The following IL5RA variants were observed in gnomAD, a reference collection of about 807,000 sequenced individuals.
IL5RA encodes interleukin 5 receptor subunit alpha.
A neutral mutation model predicts 50.0 loss-of-function variants in IL5RA; 49 were observed. That is an observed-to-expected ratio of 0.98 (90% CI 0.78 to 1.24). IL5RA has a LOEUF of 1.24. IL5RA is among the 50% of genes most tolerant of loss of function. IL5RA has a pLI of 0.00. For missense variants in IL5RA, 600 were observed against 500.4 expected (o/e 1.20, Z -1.90); for synonymous variants, 202 against 174.0 (o/e 1.16, Z -1.26).
chr3:3,083,219 G>A (rs542792168), intron 9 of IL5RA, among the ~76,000 whole-genome samples: 1 of 152,292 alleles, frequency 6.6e-6, no homozygotes, highest in East Asian at 1.9e-4. Flanking sequence ...TTGGGTGAGT[G>A]AGCTTTCAAG....
intron 9 of IL5RA, among the ~76,000 whole-genome samples, chr3:3,088,198 G>A (rs551656653): frequency 2.0e-5 from 3 of 152,292 alleles, no homozygotes; most frequent in South Asian, 2.1e-4. Flanking sequence ...CTTAAAATAA[G>A]CGCTCGTTAT....
chr3:3,098,216 A>T lies in IL5RA; in HGVS notation c.442T>A (p.Ser148Thr). The T allele has an allele frequency of 1.2e-6, 2 of 1,614,068 alleles. No individual in the cohort carries two copies. Among genetic ancestry groups the T allele is most frequent in the Admixed American group, 1.7e-5 (1 of 60,026 alleles). Residue 148 changes from serine (S) to threonine (T), a missense_variant, in exon 6 of 12, where the codon TCA (serine) becomes ACA (threonine). Coordinates refer to ENST00000446632, the MANE Select transcript of IL5RA (RefSeq NM_175726.4). The stretch of plus-strand genomic sequence containing the variant: ...GTGCAGTGAAGGGAAACTTGGTATG[A>T]CCTTAAACGTGAATAATTGTCTTCT... ...TTEDNYSRLR[S>T]YQVSLHCTWL...
rs1033337780 is a variant in IL5RA at position 3,092,325 on chromosome 3, A to G, written c.893T>C (p.Ile298Thr). The change falls in exon 9 of 12, where the codon ATT (isoleucine) becomes ACT (threonine). Residue 298 changes from isoleucine (I) to threonine (T), a missense_variant. Coordinates refer to ENST00000446632, the MANE Select transcript of IL5RA (RefSeq NM_175726.4). The surrounding 1 kb of genome is among the most constrained non-coding windows in gnomAD (Gnocchi z 4.2). ...KLMTNAFISIIDDLSKYDVQV... is the reference protein window; with the variant it reads ...KLMTNAFISITDDLSKYDVQV... The stretch of plus-strand genomic sequence containing the variant: ...AACATCGTACTTAGAAAGATCATCA[A>G]TTATTGAGATGAATGCATTGGTCAT... The G allele has an allele frequency of 5.6e-6, 9 of 1,613,876 alleles. No individual in the cohort carries two copies. Among genetic ancestry groups the G allele is most frequent in the African/African-American group, 5.3e-5 (4 of 75,052 alleles).
rs1487425876 is a variant in IL5RA at position 3,067,567 on chromosome 3, G to A, written c.*2658C>T. The A allele has an allele frequency of 6.6e-6, 1 of 152,238 alleles. No individual in the cohort carries two copies. The highest frequency in any genetic ancestry group is 2.4e-5 in the African/African-American group (1 of 41,442). 9.4% of individuals were successfully genotyped at this position (152,238 alleles called of 1,614,324 possible). A position where few individuals can be genotyped will look rare whatever the true frequency, so the allele number is the denominator to read the frequency against. ...CTAACACGGGTATGAGGCCCAGAAT[G>A]AGAATCCAGAGGCGGGATCAACCAA... On this transcript the variant is annotated 3_prime_UTR_variant, in exon 12 of 12. Coordinates refer to ENST00000446632, the MANE Select transcript of IL5RA (RefSeq NM_175726.4).
chr3:3,087,600 G>A (rs1433927909), intron 9 of IL5RA, among the ~76,000 whole-genome samples: 2 of 149,944 alleles, frequency 1.3e-5, no homozygotes, highest in Non-Finnish European at 2.9e-5. Flanking sequence ...GAGTCATTTA[G>A]TATCTCAGGA....
Position 3,108,875 on chromosome 3 carries a change from T to C in IL5RA, c.-145-184A>G, listed in dbSNP as rs1052716759. On this transcript the variant is annotated intron_variant, in intron 1 of 11. Transcript: ENST00000446632. The stretch of plus-strand genomic sequence containing the variant: ...TTTCAAATAATATAAACAAATGAGG[T>C]GATTTAACTTCTAAAACTTTATTTT... 3.3e-5 allele frequency among the ~76,000 whole-genome samples: 5 copies of C among 152,236 alleles called. No individual in the cohort carries two copies. In the East Asian group the frequency reaches 9.6e-4, roughly 29 times the overall value.
chr3:3,089,031 C>T (rs543425311), intron 9 of IL5RA, among the ~76,000 whole-genome samples: 14 of 152,060 alleles, frequency 9.2e-5, no homozygotes, highest in Middle Eastern at 3.4e-3. Context: ...GGAGCCATGT[C>T]GAGGAAAGTC....
chr3:3,103,438 A>G (rs1303769755), intron 3 of IL5RA, among the ~76,000 whole-genome samples: 1 of 152,262 alleles, frequency 6.6e-6, no homozygotes, highest in African/African-American at 2.4e-5. Context: ...TGCATCAAAC[A>G]TAATAAGAGC....
rs115526850 is a variant in IL5RA at position 3,080,883 on chromosome 3, A to G, written c.995-4256T>C. Among the ~76,000 whole-genome samples the G allele has an allele frequency of 3.5e-3, 540 of 152,230 alleles. 4 individuals are homozygous for G. The highest frequency in any genetic ancestry group is 0.013 in the African/African-American group (524 of 41,520). On this transcript the variant is annotated intron_variant, in intron 9 of 11. Transcript: ENST00000446632. ...CTAATTTTTAAAATCTTTTGTAGAG[A>G]TGGGGCCTCAGTATGTTGCCCAGGC...
In IL5RA at chr3:3,069,211, C is replaced by T. The variant is rs1559857162; in HGVS notation, c.*1014G>A. Reference sequence around the variant, plus strand: ...CCTGTGCTTGGTTCCACCTGCAGTCCACCACCCACCACAAAGGCCTCCAAT... The same window carrying T: ...CCTGTGCTTGGTTCCACCTGCAGTCTACCACCCACCACAAAGGCCTCCAAT... On this transcript the variant is annotated 3_prime_UTR_variant, in exon 12 of 12. Coordinates refer to ENST00000446632, the MANE Select transcript of IL5RA (RefSeq NM_175726.4). The T allele has an allele frequency of 6.6e-6, 1 of 152,288 alleles. No homozygotes were observed. The highest frequency in any genetic ancestry group is 1.5e-5 in the Non-Finnish European group (1 of 68,130). 9.4% of individuals were successfully genotyped at this position (152,288 alleles called of 1,614,324 possible). A position where few individuals can be genotyped will look rare whatever the true frequency, so the allele number is the denominator to read the frequency against.
At chr3:3,072,629 C>G (rs987905963) in intron 11 of IL5RA, among the ~76,000 whole-genome samples, 2 of 152,154 alleles carry the variant, frequency 1.3e-5, no homozygotes, top group East Asian at 3.9e-4. Context: ...GCTGCTTAAA[C>G]TAGATGTGGG....
rs1702243357 is a variant in IL5RA at position 3,070,008 on chromosome 3, T to G, written c.*217A>C. The G allele has an allele frequency of 2.1e-6, 1 of 479,472 alleles. No homozygotes were observed. Among genetic ancestry groups the G allele is most frequent in the African/African-American group, 2.0e-5 (1 of 49,346 alleles). 29.7% of individuals were successfully genotyped at this position (479,472 alleles called of 1,614,324 possible). ...GGGAGAAAAAACATGGCAAAATGCT[T>G]GGATGAGTCAACTTCCCTGCTGTAG... On this transcript the variant is annotated 3_prime_UTR_variant, in exon 12 of 12. Transcript: ENST00000446632.
intron 9 of IL5RA, among the ~76,000 whole-genome samples, chr3:3,086,138 A>C (rs1440611812): frequency 6.6e-6 from 1 of 152,228 alleles, no homozygotes; most frequent in Non-Finnish European, 1.5e-5. Context: ...TCACAGAAGA[A>C]GCAGTTCTCA....
At chr3:3,071,728 T>C (rs1702306689) in intron 11 of IL5RA, among the ~76,000 whole-genome samples, 1 of 152,058 alleles carries the variant, frequency 6.6e-6, no homozygotes, top group Non-Finnish European at 1.5e-5. Context: ...TATCTGAGGC[T>C]ACAGGTGTGC....
chr3:3,090,056 A>C (rs983358184), intron 9 of IL5RA: 11 of 653,970 alleles, frequency 1.7e-5, no homozygotes, highest in Non-Finnish European at 2.8e-5. Flanking sequence ...CTTGTTGGCC[A>C]TGCAGAACAG....
chr3:3,074,900 A>C (rs766820017), intron 10 of IL5RA, 34 bp from the exon 11 acceptor site: 1 of 1,275,098 alleles, frequency 7.8e-7, no homozygotes, highest in Non-Finnish European at 1.1e-6. Flanking sequence ...TTAGGTGAGC[A>C]TGAGTATACC....
At chr3:3,086,590 C>G (rs561372030) in intron 9 of IL5RA, among the ~76,000 whole-genome samples, 52 of 152,112 alleles carry the variant, frequency 3.4e-4, no homozygotes, top group African/African-American at 1.2e-3. Flanking sequence ...CCCAGCTACT[C>G]AGGAGGCTAA....
At chr3:3,082,261 C>T (rs1434543086) in intron 9 of IL5RA, among the ~76,000 whole-genome samples, 1 of 152,080 alleles carries the variant, frequency 6.6e-6, no homozygotes, top group Non-Finnish European at 1.5e-5. Flanking sequence ...GGTCTCCAAC[C>T]TTGGAGATTA....
At chr3:3,085,649 C>T (rs950882091) in intron 9 of IL5RA, among the ~76,000 whole-genome samples, 11 of 152,142 alleles carry the variant, frequency 7.2e-5, no homozygotes, top group African/African-American at 2.2e-4. Context: ...AGTCACCTCA[C>T]ACATCAGCCC....
Sources: gnomAD v4.1 joint callset for allele counts (sites outside exome capture counted in the v4.1 genomes callset) on GRCh38, gnomAD v4.1.1 for gene constraint, Gnocchi (gnomAD v3.1) non-coding constraint, MANE v1.5 for transcripts, NCBI Gene and HGNC (gene_info 2026-07-23, HGNC 2026-07-21) for gene names.